AGO3: variants seen among roughly 807,000 people sequenced by gnomAD.
AGO3 encodes the protein protein argonaute-3.
Under a neutral mutation model 105.5 loss-of-function variants are expected in AGO3, and 16 were observed. The ratio of observed to expected loss-of-function variants is 0.15; its 90% confidence interval spans 0.10 to 0.23. The LOEUF (loss-of-function observed/expected upper bound fraction) is 0.23. AGO3 is among the 10% of genes least tolerant of loss of function. The pLI is 1.00. For synonymous variants in AGO3, 340 were observed against 367.3 expected (o/e 0.93, Z 0.85); for missense variants, 534 against 1,088.0 (o/e 0.49, Z 7.16).
At chr1:36,023,861 A>C (rs1292192363) in intron 11 of AGO3, among the ~76,000 whole-genome samples, 1 of 152,108 alleles carries the variant, frequency 6.6e-6, no homozygotes, top group African/African-American at 2.4e-5. Context: ...TTACTTTCCA[A>C]AATTTGCCTT....
In AGO3 at chr1:36,055,676, A is replaced by C; in HGVS notation, c.2514A>C (p.Arg838=). ...GSHVSGQSNG[R]DPQALAKAVQ... The stretch of plus-strand genomic sequence containing the variant: ...ACGTTTCAGGACAAAGCAATGGGCG[A>C]GATCCACAAGCTCTTGCCAAGGCTG... Residue 838 remains arginine, a synonymous_variant, in exon 19 of 19, where the codon CGA becomes CGC. Transcript: ENST00000373191. The surrounding 1 kb of genome is among the most constrained non-coding windows in gnomAD (Gnocchi z 4.4). 1 of 1,614,244 alleles carries C rather than the reference A, an allele frequency of 6.2e-7. No individual in the cohort carries two copies. Among genetic ancestry groups the C allele is most frequent in the Non-Finnish European group, 8.5e-7 (1 of 1,180,044 alleles).
intron 3 of AGO3, among the ~76,000 whole-genome samples, chr1:35,969,391 A>G (rs1343570848): frequency 6.6e-6 from 1 of 152,180 alleles, no homozygotes; most frequent in Non-Finnish European, 1.5e-5. Flanking sequence ...CCTGTTGCTC[A>G]TTGGATTTTG....
intron 10 of AGO3, 48 bp from the exon 11 acceptor site, chr1:36,013,867 G>T (rs1368274418): frequency 1.2e-6 from 2 of 1,601,050 alleles, no homozygotes; most frequent in Non-Finnish European, 1.7e-6. Context: ...TCTGTTTATT[G>T]AAAATTTTTG....
intron 1 of AGO3, among the ~76,000 whole-genome samples, chr1:35,944,668 T>A (rs1255967686): frequency 6.7e-6 from 1 of 150,004 alleles, no homozygotes; most frequent in African/African-American, 2.5e-5. Context: ...GCCTGGCTAA[T>A]TTTTGTATTT....
chr1:35,949,151 C>G (rs899821540), intron 2 of AGO3, among the ~76,000 whole-genome samples: 1 of 152,136 alleles, frequency 6.6e-6, no homozygotes, highest in Non-Finnish European at 1.5e-5. Flanking sequence ...CCATGTTGGT[C>G]AGTCTGGTCT....
At chr1:36,036,410 T>A in intron 14 of AGO3, 143 bp downstream of exon 14, 1 of 790,746 alleles carries the variant, frequency 1.3e-6, no homozygotes, top group Non-Finnish European at 2.0e-6. Flanking sequence ...GATTATTCTC[T>A]GGTTTGGAGT....
intron 1 of AGO3, among the ~76,000 whole-genome samples, chr1:35,940,299 T>C (rs1299953622): frequency 2.0e-5 from 3 of 152,164 alleles, no homozygotes; most frequent in Non-Finnish European, 4.4e-5. Flanking sequence ...ACTCCTGACC[T>C]CAGGTGATCC....
chr1:36,033,485 A>AT (rs1641872351), intron 12 of AGO3, among the ~76,000 whole-genome samples: 1 of 150,922 alleles, frequency 6.6e-6, no homozygotes, highest in Non-Finnish European at 1.5e-5. Flanking sequence ...CTCTACTTAA[A>AT]TAAAAAAAAA....
chr1:35,982,856 T>C (rs1006023531), intron 5 of AGO3: 1 of 462,452 alleles, frequency 2.2e-6, no homozygotes, highest in Admixed American at 3.9e-5. Flanking sequence ...ACCAGAGCTT[T>C]ACTAGATTTT....
chr1:35,987,689 A>T (rs571967323), intron 5 of AGO3, among the ~76,000 whole-genome samples: 25 of 152,086 alleles, frequency 1.6e-4, no homozygotes, highest in Admixed American at 3.3e-4. Context: ...GACCAAAAAA[A>T]TTTAAGAAAA....
chr1:35,955,718 C>T (rs1646552878), intron 2 of AGO3, among the ~76,000 whole-genome samples: 2 of 152,006 alleles, frequency 1.3e-5, no homozygotes, highest in African/African-American at 4.8e-5. Context: ...CCTCAGCCTT[C>T]ATAGTAGCTG....
chr1:36,042,082 G>T (rs75288832), intron 16 of AGO3, among the ~76,000 whole-genome samples: 2,312 of 152,142 alleles, frequency 0.015, 50 homozygotes, highest in African/African-American at 0.053. Context: ...TGAGATAGTT[G>T]TATTTTTTTG....
rs902659652 is a variant in AGO3, at chr1:36,068,691, T to C, written c.*12946T>C. The C allele has an allele frequency of 4.6e-5, 7 of 152,224 alleles. No individual in the cohort carries two copies. The highest frequency in any genetic ancestry group is 1.4e-4 in the African/African-American group (6 of 41,468). 9.4% of individuals were successfully genotyped at this position (152,224 alleles called of 1,614,324 possible). On this transcript the variant is annotated 3_prime_UTR_variant, in exon 19 of 19. Transcript: ENST00000373191. ...CTTCTAAAATATGTAAAAAATTATA[T>C]TGAATGAATTAATACTTAACCTGTT...
intron 3 of AGO3, 26 bp from the exon 4 acceptor site, chr1:35,971,998 C>G: frequency 6.3e-7 from 1 of 1,580,672 alleles, no homozygotes; most frequent in Non-Finnish European, 8.7e-7. Context: ...TCAACATTTA[C>G]CAGTTGACTC....
At chr1:35,993,538 C>T (rs1647891943) in intron 5 of AGO3, among the ~76,000 whole-genome samples, 1 of 152,022 alleles carries the variant, frequency 6.6e-6, no homozygotes. Flanking sequence ...TGACAAGCCA[C>T]ACCTTTACCA....
At position 35,932,322 on chromosome 1, in the gene AGO3, A is replaced by G. The variant is rs114252790; in HGVS notation, c.19+877A>G. 7.1e-3 allele frequency among the ~76,000 whole-genome samples: 1,087 copies of G among 152,370 alleles called. 10 individuals carry two copies. Among genetic ancestry groups the G allele is most frequent in the African/African-American group, 0.025 (1,029 of 41,584 alleles). ...TATTAAATTTGAAAGTATGCTTCAG[A>G]CGATCACAAGTTCGTAAATTAATTT... On this transcript the variant is annotated intron_variant, in intron 1 of 18. Coordinates refer to ENST00000373191, the MANE Select transcript of AGO3 (RefSeq NM_024852.4).
At chr1:36,024,432 C>G (rs768957283) in intron 11 of AGO3, among the ~76,000 whole-genome samples, 17 of 152,154 alleles carry the variant, frequency 1.1e-4, no homozygotes, top group Admixed American at 3.9e-4. Flanking sequence ...CCACCGCACT[C>G]TGCCGACCTT....
intron 8 of AGO3, 138 bp from the exon 9 acceptor site, chr1:36,009,337 A>T: frequency 9.7e-7 from 1 of 1,030,916 alleles, no homozygotes; most frequent in Non-Finnish European, 1.4e-6. Flanking sequence ...CTTGTTTACT[A>T]CTTTTTTACT....
chr1:36,019,127 A>T (rs74066013), intron 11 of AGO3, among the ~76,000 whole-genome samples: 73 of 152,166 alleles, frequency 4.8e-4, no homozygotes, highest in African/African-American at 1.6e-3. Flanking sequence ...ATTCTATATC[A>T]TGAAGGGTTT....
Sources: gnomAD v4.1 joint callset for allele counts (sites outside exome capture counted in the v4.1 genomes callset) on GRCh38, gnomAD v4.1.1 for gene constraint, Gnocchi (gnomAD v3.1) non-coding constraint, MANE v1.5 for transcripts, NCBI Gene and HGNC (gene_info 2026-07-23, HGNC 2026-07-21) for gene names.